The following RAP1GAP2 variants were observed in gnomAD, a reference collection of about 807,000 sequenced individuals.
RAP1GAP2 encodes the protein rap1 GTPase-activating protein 2.
A neutral mutation model predicts 95.0 loss-of-function variants in RAP1GAP2; 27 were observed. That is an observed-to-expected ratio of 0.28 (90% CI 0.21 to 0.39). The LOEUF (loss-of-function observed/expected upper bound fraction) is 0.39. Ranked by LOEUF, RAP1GAP2 falls within the 10% of genes least tolerant of loss-of-function variation. The pLI, the probability that RAP1GAP2 is intolerant of heterozygous loss-of-function variation, is 1.00. For missense variants in RAP1GAP2, 771 were observed against 970.0 expected, an observed-to-expected ratio of 0.79 and a Z score of 2.72; for synonymous variants, 373 against 380.9, an observed-to-expected ratio of 0.98 and a Z score of 0.24.
intron 10 of RAP1GAP2, among the ~76,000 whole-genome samples, chr17:2,984,071 C>T (rs1001665377): frequency 1.3e-5 from 2 of 152,228 alleles, no homozygotes; most frequent in Non-Finnish European, 2.9e-5. Context: ...AGAGTTTAGG[C>T]TGGGCGTGGT....
chr17:2,780,109 G>A (rs1433413177), intron 1 of RAP1GAP2, among the ~76,000 whole-genome samples: 1 of 152,182 alleles, frequency 6.6e-6, no homozygotes, highest in African/African-American at 2.4e-5. Flanking sequence ...GGAGTGCAGT[G>A]GCGCGATCTC....
intron 2 of RAP1GAP2, among the ~76,000 whole-genome samples, chr17:2,847,226 C>G (rs1277703335): frequency 6.6e-6 from 1 of 152,178 alleles, no homozygotes; most frequent in Admixed American, 6.5e-5. Context: ...CCAGACTGGT[C>G]TCGAACTCCT....
At chr17:3,018,021 C>G (rs566421593) in intron 17 of RAP1GAP2, 40 bp from the exon 18 acceptor site, 44 of 1,548,966 alleles carry the variant, frequency 2.8e-5, no homozygotes, top group East Asian at 2.4e-4. Flanking sequence ...ATCCGGAGAG[C>G]CCGGGTGCTG....
chr17:2,963,547 C>T lies in RAP1GAP2; in HGVS notation c.279+85C>T, dbSNP rs987618300. ...GGAAATGATGGCGATGGCCTGTGCC[C>T]AGCCCCCCAGGGGAGAGAACCTTGG... On this transcript the variant is annotated intron_variant, in intron 6 of 24. Transcript: ENST00000254695. This position sits in a 1 kb window ranked among gnomAD's most constrained non-coding sequence, Gnocchi z 4.8. 3 of 1,560,780 alleles carry T rather than the reference C, an allele frequency of 1.9e-6. No homozygotes were observed. The highest frequency in any genetic ancestry group is 1.4e-5 in the African/African-American group (1 of 73,984).
chr17:2,970,069 T>A (rs2044790035), intron 8 of RAP1GAP2, among the ~76,000 whole-genome samples: 1 of 151,124 alleles, frequency 6.6e-6, no homozygotes, highest in South Asian at 2.1e-4. Context: ...AGGTCAGGAG[T>A]TTAAGACCAG....
chr17:2,800,201 C>T (rs1012658979), intron 1 of RAP1GAP2: 13 of 985,260 alleles, frequency 1.3e-5, no homozygotes, highest in African/African-American at 7.0e-5. Flanking sequence ...AAAGTGCTTA[C>T]GATCCCTGGA....
At chr17:2,791,357 GT>G (rs763798332) in intron 1 of RAP1GAP2, among the ~76,000 whole-genome samples, 2 of 152,114 alleles carry the variant, frequency 1.3e-5, no homozygotes, top group African/African-American at 2.4e-5. Context: ...TCTGGGAAGC[GT>G]TTTGAGCCTG....
At chr17:3,028,860 G>A (rs1192874869) in intron 22 of RAP1GAP2, among the ~76,000 whole-genome samples, 1 of 152,124 alleles carries the variant, frequency 6.6e-6, no homozygotes, top group Non-Finnish European at 1.5e-5. Context: ...GAGTGCAATG[G>A]CGCAATCTCG....
chr17:2,904,569 T>TAC lies in RAP1GAP2; in HGVS notation c.81-714_81-713dup, dbSNP rs2042134885. On this transcript the variant is annotated intron_variant, in intron 2 of 24. Transcript: ENST00000254695. This position sits in a 1 kb window ranked among gnomAD's most constrained non-coding sequence, Gnocchi z 4.7. ...GTGTGTGTGTGTGTGTGTGTGTGTG[T>TAC]ACGTGCAGAGGGGCTCAAGGGAGAA... 6.7e-6 allele frequency among the ~76,000 whole-genome samples: 1 copy of TAC among 150,200 alleles called. No homozygotes were observed. The highest frequency in any genetic ancestry group is 2.4e-5 in the African/African-American group (1 of 40,888).
chr17:2,814,718 C>A (rs995358449), intron 2 of RAP1GAP2, among the ~76,000 whole-genome samples: 1 of 152,116 alleles, frequency 6.6e-6, no homozygotes, highest in Non-Finnish European at 1.5e-5. Flanking sequence ...CAGTAGGTTA[C>A]CGCAGTGTGG....
At chr17:2,803,583 T>G (rs532108088) in intron 2 of RAP1GAP2, among the ~76,000 whole-genome samples, 1 of 152,192 alleles carries the variant, frequency 6.6e-6, no homozygotes, top group Non-Finnish European at 1.5e-5. Context: ...CTTCCTGATT[T>G]CAAAACGTAT....
chr17:2,795,193 T>C (rs538466932), upstream of RAP1GAP2, among the ~76,000 whole-genome samples: 11 of 151,372 alleles, frequency 7.3e-5, no homozygotes, highest in Middle Eastern at 3.4e-3. Context: ...TCTTCTTCTT[T>C]TTTTTTTTTT....
At chr17:2,808,183 C>T (rs1043634234) in intron 2 of RAP1GAP2, among the ~76,000 whole-genome samples, 3 of 152,054 alleles carry the variant, frequency 2.0e-5, no homozygotes, top group Admixed American at 6.6e-5. Flanking sequence ...ACAAGGACCC[C>T]GTTTTGAGCT....
chr17:2,783,901 C>T (rs1306882608), intron 1 of RAP1GAP2, among the ~76,000 whole-genome samples: 3 of 152,236 alleles, frequency 2.0e-5, no homozygotes, highest in Non-Finnish European at 2.9e-5. Context: ...GGCTTCCTCC[C>T]AGCATGGTGG....
upstream of RAP1GAP2, among the ~76,000 whole-genome samples, chr17:2,794,539 C>G (rs1159392892): frequency 6.6e-6 from 1 of 152,180 alleles, no homozygotes; most frequent in African/African-American, 2.4e-5. Flanking sequence ...TTTCCTGGGG[C>G]AGAGGTGAGG....
chr17:2,849,307 G>A (rs1000994177), intron 2 of RAP1GAP2, among the ~76,000 whole-genome samples: 4 of 152,112 alleles, frequency 2.6e-5, no homozygotes, highest in African/African-American at 7.2e-5. Flanking sequence ...AGCCCAGAAC[G>A]GTGGCAGTCA....
intron 3 of RAP1GAP2, among the ~76,000 whole-genome samples, chr17:2,924,724 C>T (rs561627676): frequency 2.0e-5 from 3 of 152,018 alleles, no homozygotes; most frequent in Non-Finnish European, 4.4e-5. Flanking sequence ...GTTTGGCCAA[C>T]GTGATGTTAA....
chr17:2,822,595 G>A lies in RAP1GAP2; in HGVS notation c.80+22045G>A, dbSNP rs1040256410. Among the ~76,000 whole-genome samples the A allele has an allele frequency of 7.3e-5, 11 of 150,658 alleles. No individual in the cohort carries two copies. In the East Asian group the frequency reaches 1.8e-3, roughly 24 times the overall value. Reference sequence around the variant, plus strand: ...AGCTATGATCACACCACCGTACTCCGCCTGGAGGACAATAAAACCCTGTTT... The same window carrying A: ...AGCTATGATCACACCACCGTACTCCACCTGGAGGACAATAAAACCCTGTTT... On this transcript the variant is annotated intron_variant, in intron 2 of 24. Coordinates refer to ENST00000254695, the MANE Select transcript of RAP1GAP2 (RefSeq NM_015085.5).
At position 2,904,569 on chromosome 17, in the gene RAP1GAP2, T is replaced by C. The variant is rs535070993; in HGVS notation, c.81-715T>C. On this transcript the variant is annotated intron_variant, in intron 2 of 24. Coordinates refer to ENST00000254695, the MANE Select transcript of RAP1GAP2 (RefSeq NM_015085.5). The surrounding 1 kb of genome is among the most constrained non-coding windows in gnomAD (Gnocchi z 4.7). ...GTGTGTGTGTGTGTGTGTGTGTGTGTACGTGCAGAGGGGCTCAAGGGAGAA... is the reference window on the plus strand; with the variant it reads ...GTGTGTGTGTGTGTGTGTGTGTGTGCACGTGCAGAGGGGCTCAAGGGAGAA... 4.5e-4 allele frequency among the ~76,000 whole-genome samples: 67 copies of C among 150,318 alleles called. No homozygotes were observed. The highest frequency in any genetic ancestry group is 1.6e-3 in the African/African-American group (66 of 41,008).
Sources: allele counts gnomAD v4.1 joint callset (sites outside exome capture counted in the v4.1 genomes callset), GRCh38; gene constraint gnomAD v4.1.1; non-coding constraint Gnocchi (gnomAD v3.1); transcripts MANE v1.5; gene names NCBI Gene and HGNC (gene_info 2026-07-23, HGNC 2026-07-21).